Variants in PKD1 observed in about 807,000 individuals in gnomAD.
The protein encoded by PKD1 is polycystin-1.
A neutral mutation model predicts 361.7 loss-of-function variants in PKD1; 81 were observed. That is an observed-to-expected ratio of 0.22 (90% CI 0.19 to 0.27). The LOEUF is 0.27. Among genes scored for constraint, PKD1 ranks in the 10% least tolerant of loss-of-function variants. PKD1 has a pLI of 1.00. For missense variants in PKD1, 6,399 were observed against 6,118.3 expected, an observed-to-expected ratio of 1.05 and a Z score of -1.53; for synonymous variants, 3,615 against 2,818.3, an observed-to-expected ratio of 1.28 and a Z score of -8.95.
rs756636397 is a variant in PKD1 at position 2,109,188 on chromosome 16, T to C, written c.5979A>G (p.Thr1993=). Residue 1993 remains threonine, a synonymous_variant, in exon 15 of 46, where the codon ACA becomes ACG. Transcript: ENST00000262304. ...CCCGAGAGCCGCGCTGCACGCGGGC[T>C]GTGAAGTTCCTCTCAGTGCCCGTGG... The part of the protein sequence containing the change: ...GIATGTERNF[T]ARVQRGSRVA... 1.6e-4 allele frequency: 251 copies of C among 1,597,560 alleles called. 1 individual carries two copies. In the South Asian group the frequency reaches 2.0e-3, roughly 12 times the overall value.
In PKD1 at chr16:2,106,851, T is replaced by C; in HGVS notation, c.7163A>G (p.Tyr2388Cys). ...GCAATTGAGGCAGCGGCCCTCCAAG[T>C]ACACGTAGGAGCTGCGGCTCACTTC... ...VYEVSRSSYV[Y>C]LEGRCLNCSS... Residue 2388 changes from tyrosine to cysteine, a missense_variant, in exon 17 of 46, where the codon TAC (tyrosine) becomes TGC (cysteine). Transcript: ENST00000262304. This position sits in a 1 kb window ranked among gnomAD's most constrained non-coding sequence, Gnocchi z 6.5. The C allele has an allele frequency of 6.5e-7, 1 of 1,549,730 alleles. No homozygotes were observed. The highest frequency in any genetic ancestry group is 1.1e-5 in the South Asian group (1 of 90,306).
At chr16:2,094,966 G>A (rs1008169765) in intron 34 of PKD1, 2 of 152,202 alleles carry the variant, frequency 1.3e-5, no homozygotes, top group Non-Finnish European at 2.9e-5. Context: ...CTGTTTTGCT[G>A]TCTCTCGGAG....
chr16:2,107,743 G>A (rs2092394010), intron 16 of PKD1, 140 bp downstream of exon 16: 5 of 791,836 alleles, frequency 6.3e-6, no homozygotes, highest in Non-Finnish European at 6.3e-6. Flanking sequence ...GAAGCAGGCT[G>A]TCGTGTTACA....
chr16:2,105,617 T>C, intron 20 of PKD1, 143 bp from the exon 21 acceptor site: 1 of 1,566,110 alleles, frequency 6.4e-7, no homozygotes, highest in Non-Finnish European at 8.6e-7. Flanking sequence ...GAGCTGTTTC[T>C]TCATGGGCAA....
Position 2,110,790 on chromosome 16 carries a change from C to T in PKD1, c.4377G>A (p.Leu1459=), listed in dbSNP as rs1241188818. The T allele has an allele frequency of 1.2e-6, 2 of 1,611,182 alleles. No homozygotes were observed. Among genetic ancestry groups the T allele is most frequent in the Admixed American group, 1.7e-5 (1 of 60,020 alleles). The change falls in exon 15 of 46, where the codon CTG becomes CTA. Residue 1459 remains leucine, a synonymous_variant. Coordinates refer to ENST00000262304, the MANE Select transcript of PKD1 (RefSeq NM_001009944.3). ...NNISAANDSA[L]VEVQEPVLVT... ...CCAGCACGGGCTCCTGCACCTCCACCAGGGCTGAGTCATTGGCAGCAGAGA... is the reference window on the plus strand; with the variant it reads ...CCAGCACGGGCTCCTGCACCTCCACTAGGGCTGAGTCATTGGCAGCAGAGA...
chr16:2,123,700 G>A (rs1479172542), intron 1 of PKD1, among the ~76,000 whole-genome samples: 1 of 152,116 alleles, frequency 6.6e-6, no homozygotes, highest in Admixed American at 6.5e-5. Context: ...CAGGACCACC[G>A]AGCGGCCCTA....
At chr16:2,092,667 C>CA (rs1481432851) in intron 38 of PKD1, 75 bp from the exon 39 acceptor site, 4 of 1,082,992 alleles carry the variant, frequency 3.7e-6, no homozygotes, top group Non-Finnish European at 5.6e-6. Flanking sequence ...ACCAGAGACC[C>CA]AGGGAACATG....
At position 2,110,898 on chromosome 16, in the gene PKD1, G is replaced by A. The variant is rs1481991884; in HGVS notation, c.4269C>T (p.Pro1423=). 28 of 1,611,592 alleles carry A rather than the reference G, an allele frequency of 1.7e-5. No individual in the cohort carries two copies. Among genetic ancestry groups the A allele is most frequent in the Non-Finnish European group, 2.4e-5 (28 of 1,179,830 alleles). Residue 1423 remains proline (P), a synonymous_variant, in exon 15 of 46, where the codon CCC becomes CCT. Transcript: ENST00000262304. Reference sequence around the variant, plus strand: ...TCACCTCAGGGCCCCTGGCACGGGTGGGGGCGGCTTCCTCGGTGCCAAAGT... The same window carrying A: ...TCACCTCAGGGCCCCTGGCACGGGTAGGGGCGGCTTCCTCGGTGCCAAAGT... ...TWDFGTEEAA[P]TRARGPEVTF...
In PKD1 at chr16:2,109,777, T is replaced by C; in HGVS notation, c.5390A>G (p.Asp1797Gly). Residue 1797 changes from aspartate to glycine, a missense_variant, in exon 15 of 46, where the codon GAT (aspartate) becomes GGT (glycine). Asp to Gly is a moderately conservative substitution (Grantham distance 94). Transcript: ENST00000262304. ...LGSANATVEV[D>G]VQVPVSGLSI... ...GAGGCCACTCACAGGCACCTGCACA[T>C]CCACTTCCACGGTGGCGTTGGCTGA... is the stretch of plus-strand genomic sequence containing the variant. The C allele has an allele frequency of 3.7e-6, 6 of 1,609,962 alleles. 1 individual carries two copies. The South Asian group carries it at 5.5e-5, about 15-fold the overall frequency.
intron 1 of PKD1, among the ~76,000 whole-genome samples, chr16:2,128,671 G>A (rs964630411): frequency 2.0e-5 from 3 of 152,226 alleles, no homozygotes; most frequent in African/African-American, 4.8e-5. Context: ...GCGGAGCCCG[G>A]CGTGGCCACC....
At chr16:2,091,396 G>A (rs1310777112) in intron 42 of PKD1, 27 bp downstream of exon 42, 19 of 1,105,084 alleles carry the variant, frequency 1.7e-5, no homozygotes, top group East Asian at 5.3e-5. Context: ...GGTGGGAGGC[G>A]CGGGGTCTGG....
In PKD1 at chr16:2,106,430, G is replaced by C. The variant is rs547751652; in HGVS notation, c.7457C>G (p.Ala2486Gly). Residue 2486 changes from alanine to glycine, a missense_variant, in exon 18 of 46, where the codon GCC (alanine) becomes GGC (glycine). By Grantham distance (60) the Ala-to-Gly change is moderately conservative (BLOSUM62 0). Coordinates refer to ENST00000262304, the MANE Select transcript of PKD1 (RefSeq NM_001009944.3). This position sits in a 1 kb window ranked among gnomAD's most constrained non-coding sequence, Gnocchi z 6.5. ...TTCGAAGTGCACCTTGGTGGTGAGG[G>C]CGTGCACAGCGCCCAGTGGGAAGAG... is the stretch of plus-strand genomic sequence containing the variant. ...CRLFPLGAVH[A>G]LTTKVHFECT... 46 of 1,588,646 alleles carry C rather than the reference G, an allele frequency of 2.9e-5. No individual in the cohort carries two copies. Among genetic ancestry groups the C allele is most frequent in the Non-Finnish European group, 3.9e-5 (46 of 1,171,874 alleles).
intron 34 of PKD1, among the ~76,000 whole-genome samples, chr16:2,095,874 G>A (rs2091825473): frequency 6.6e-6 from 1 of 152,208 alleles, no homozygotes; most frequent in Admixed American, 6.5e-5. Context: ...CCTGGGGCTG[G>A]TCAGCATGTA....
intron 34 of PKD1, chr16:2,095,225 T>C (rs1026505583): frequency 5.9e-5 from 9 of 152,126 alleles, no homozygotes; most frequent in African/African-American, 2.2e-4. Flanking sequence ...CTGGCTAAGA[T>C]GGTGAAACCT....
In PKD1 at chr16:2,089,801, C is replaced by G. The variant is rs1277165097; in HGVS notation, c.12838G>C (p.Gly4280Arg). 3 of 1,597,688 alleles carry G rather than the reference C, an allele frequency of 1.9e-6. No individual in the cohort carries two copies. The highest frequency in any genetic ancestry group is 1.1e-5 in the South Asian group (1 of 88,968). ...LPSRLARASR[G>R]VDLATGPSRT... ...CTGGGGCCAGTGGCCAGGTCCACAC[C>G]CCGACTGGCCCGGGCAAGGCGGCTG... The change falls in exon 46 of 46, where the codon GGT (glycine) becomes CGT (arginine). Residue 4280 changes from glycine to arginine, a missense_variant. Physicochemically the swap from Gly to Arg is moderately radical, Grantham distance 125. Transcript: ENST00000262304.
Position 2,100,806 on chromosome 16 carries a change from A to G in PKD1, c.9398-240T>C. The G allele has an allele frequency of 1.8e-6, 1 of 560,060 alleles. No homozygotes were observed. The highest frequency in any genetic ancestry group is 3.2e-6 in the Non-Finnish European group (1 of 310,030). The allele number at this position is 560,060 out of a possible 1,614,324, so 34.7% of individuals were successfully genotyped here. A position where few individuals can be genotyped will look rare whatever the true frequency, so the allele number is the denominator to read the frequency against. On this transcript the variant is annotated intron_variant, in intron 26 of 45. Coordinates refer to ENST00000262304, the MANE Select transcript of PKD1 (RefSeq NM_001009944.3). This position sits in a 1 kb window ranked among gnomAD's most constrained non-coding sequence, Gnocchi z 4.4. ...GAACTGTAACTTGTGACATGCAAAC[A>G]TGGCTGCACACGCCTCAGTCCACAC...
intron 44 of PKD1, 34 bp downstream of exon 44, chr16:2,090,640 C>T (rs763687729): frequency 9.9e-6 from 16 of 1,610,122 alleles, no homozygotes. Flanking sequence ...CTGAGCTGAG[C>T]TAAGACGCCC....
At position 2,135,775 on chromosome 16, in the gene PKD1, A is replaced by T; in HGVS notation, c.-86T>A. 2 of 910,830 alleles carry T rather than the reference A, an allele frequency of 2.2e-6. No individual in the cohort carries two copies. Among genetic ancestry groups the T allele is most frequent in the Non-Finnish European group, 2.6e-6 (2 of 765,516 alleles). The allele number at this position is 910,830 out of a possible 1,614,324, so 56.4% of individuals were successfully genotyped here. ...AGCTCAGGCGGGGCCCGCGGACGGC[A>T]TGGCGGGCGCGGGGCTGGATGGGGC... On this transcript the variant is annotated 5_prime_UTR_variant, in exon 1 of 46. The change abolishes an upstream ATG in the 5' untranslated region. Coordinates refer to ENST00000262304, the MANE Select transcript of PKD1 (RefSeq NM_001009944.3).
At chr16:2,107,795 T>A in intron 16 of PKD1, 88 bp downstream of exon 16, 2 of 1,279,156 alleles carry the variant, frequency 1.6e-6, no homozygotes, top group Admixed American at 2.0e-5. Context: ...GCGTGCGGCC[T>A]CCACCAGCAC....
Sources: gnomAD v4.1 joint callset for allele counts (sites outside exome capture counted in the v4.1 genomes callset) on GRCh38, gnomAD v4.1.1 for gene constraint, Gnocchi (gnomAD v3.1) non-coding constraint, MANE v1.5 for transcripts, NCBI Gene and HGNC (gene_info 2026-07-23, HGNC 2026-07-21) for gene names.